The following VWC2 variants were observed in gnomAD, a reference collection of about 807,000 sequenced individuals.
VWC2 encodes von Willebrand factor C domain containing 2, also known as brorin.
A neutral mutation model predicts 29.8 loss-of-function variants in VWC2; 14 were observed. That is an observed-to-expected ratio of 0.47 (90% CI 0.31 to 0.74). VWC2 has a LOEUF of 0.74. VWC2 is among the 30% of genes least tolerant of loss of function. The probability of loss-of-function intolerance (pLI) is 0.05; values close to 1 mark genes in which losing one functional copy is unlikely to be tolerated. For missense variants in VWC2, 457 were observed against 459.8 expected (o/e 0.99, Z 0.05); for synonymous variants, 213 against 199.0 (o/e 1.07, Z -0.59).
chr7:49,877,481 A>AAAATATATAC, intron 3 of VWC2, among the ~76,000 whole-genome samples: 2 of 12,722 alleles, frequency 1.6e-4, no homozygotes, highest in Admixed American at 2.8e-3. Flanking sequence ...AAAAAAAAAA[A>AAAATATATAC]ATATATATAT....
At chr7:49,910,873 C>A (rs1465752068) in intron 3 of VWC2, among the ~76,000 whole-genome samples, 2 of 152,168 alleles carry the variant, frequency 1.3e-5, no homozygotes, top group Non-Finnish European at 2.9e-5. Flanking sequence ...AAAGCAAATT[C>A]TCAGGCCCCA....
intron 2 of VWC2, among the ~76,000 whole-genome samples, chr7:49,800,917 G>A (rs1464017870): frequency 6.6e-6 from 1 of 150,490 alleles, no homozygotes; most frequent in Non-Finnish European, 1.5e-5. Context: ...TCAAAAACAG[G>A]CCTTTATATT....
chr7:49,796,822 A>G (rs925471206), intron 2 of VWC2, among the ~76,000 whole-genome samples: 1 of 152,212 alleles, frequency 6.6e-6, no homozygotes, highest in African/African-American at 2.4e-5. Flanking sequence ...CATAAAATAT[A>G]TGTAGTGCAA....
At chr7:49,834,138 G>C (rs933529409) in intron 3 of VWC2, among the ~76,000 whole-genome samples, 3 of 152,122 alleles carry the variant, frequency 2.0e-5, no homozygotes, top group African/African-American at 7.2e-5. Context: ...GAGTAAAGGA[G>C]CCCTTCTATT....
chr7:49,799,898 T>C (rs1788696920), intron 2 of VWC2, among the ~76,000 whole-genome samples: 1 of 152,212 alleles, frequency 6.6e-6, no homozygotes, highest in Non-Finnish European at 1.5e-5. Flanking sequence ...TAAGCAGTTA[T>C]AACACATGGT....
At chr7:49,910,893 T>C (rs1007291364) in intron 3 of VWC2, among the ~76,000 whole-genome samples, 2 of 152,136 alleles carry the variant, frequency 1.3e-5, no homozygotes, top group Non-Finnish European at 2.9e-5. Flanking sequence ...AACCCAAACC[T>C]AGTGAATCAC....
chr7:49,893,803 A>G (rs990531506), intron 3 of VWC2, among the ~76,000 whole-genome samples: 8 of 152,264 alleles, frequency 5.3e-5, no homozygotes, highest in African/African-American at 1.7e-4. Flanking sequence ...ATAATTTACA[A>G]TAAGTTACAG....
Position 49,918,205 on chromosome 7 carries a change from G to A in VWC2, c.*6020G>A, listed in dbSNP as rs1458471924. 1 of 152,140 alleles carries A rather than the reference G, an allele frequency of 6.6e-6. No homozygotes were observed. Among genetic ancestry groups the A allele is most frequent in the Non-Finnish European group, 1.5e-5 (1 of 68,022 alleles). The allele number at this position is 152,140 out of a possible 1,614,324, so 9.4% of individuals were successfully genotyped here. A position where few individuals can be genotyped will look rare whatever the true frequency, so the allele number is the denominator to read the frequency against. ...GCAGAAAAGTAAATATAGGCTCAGGGAAATTTAAAAACTGCCTTAAGATTC... is the reference window on the plus strand; with the variant it reads ...GCAGAAAAGTAAATATAGGCTCAGGAAAATTTAAAAACTGCCTTAAGATTC... On this transcript the variant is annotated 3_prime_UTR_variant, in exon 4 of 4. Transcript: ENST00000340652.
chr7:49,776,503 C>T (rs1480879781), intron 2 of VWC2, among the ~76,000 whole-genome samples: 1 of 152,148 alleles, frequency 6.6e-6, no homozygotes, highest in Non-Finnish European at 1.5e-5. Flanking sequence ...GGGTAATTTA[C>T]GGTACCATTT....
chr7:49,883,687 T>C (rs544121548), intron 3 of VWC2, among the ~76,000 whole-genome samples: 2 of 152,296 alleles, frequency 1.3e-5, no homozygotes, highest in South Asian at 4.1e-4. Flanking sequence ...CACCTTCCGA[T>C]AGCTGCACTT....
At position 49,802,791 on chromosome 7, in the gene VWC2, T is replaced by C; in HGVS notation, c.777T>C (p.Cys259=). Residue 259 remains cysteine, a synonymous_variant, in exon 3 of 4, where the codon TGT becomes TGC. Coordinates refer to ENST00000340652, the MANE Select transcript of VWC2 (RefSeq NM_198570.5). The stretch of plus-strand genomic sequence containing the variant: ...TGTCAGCGTGTCCCCAGACGGAGTG[T>C]GTGGACCCTGTGTACGAGCCTGATC... ...CTVSACPQTE[C]VDPVYEPDQC... 6.2e-7 allele frequency: 1 copy of C among 1,614,186 alleles called. No homozygotes were observed. The highest frequency in any genetic ancestry group is 8.5e-7 in the Non-Finnish European group (1 of 1,180,034).
chr7:49,789,274 T>C (rs1352602769), intron 2 of VWC2, among the ~76,000 whole-genome samples: 1 of 146,756 alleles, frequency 6.8e-6, no homozygotes, highest in Non-Finnish European at 1.5e-5. Flanking sequence ...TGTGAGCGGG[T>C]GTGTGTGAGA....
chr7:49,877,481 A>AAAAAAAATATACATATATATATATATAT lies in VWC2; in HGVS notation c.827-34552_827-34551insAAAAAATATACATATATATATATATATA. Reference sequence around the variant, plus strand: ...CTGTCTCAAAAAAAAAAAAAAAAAAAATATATATATATATATATATATATA... The same window carrying AAAAAAAATATACATATATATATATATAT: ...CTGTCTCAAAAAAAAAAAAAAAAAAAAAAAAAATATACATATATATATATATATATATATATATATATATATATATATA... On this transcript the variant is annotated intron_variant, in intron 3 of 3. Transcript: ENST00000340652. Among the ~76,000 whole-genome samples the AAAAAAAATATACATATATATATATATAT allele has an allele frequency of 1.6e-4, 2 of 12,722 alleles. 1 individual carries two copies. The highest frequency in any genetic ancestry group is 5.6e-4 in the African/African-American group (2 of 3,594). The allele number at this position is 12,722 out of a possible 152,430, so 8.3% of individuals were successfully genotyped here.
intron 2 of VWC2, among the ~76,000 whole-genome samples, chr7:49,782,811 G>A (rs761952989): frequency 3.9e-5 from 6 of 152,074 alleles, no homozygotes; most frequent in Non-Finnish European, 8.8e-5. Context: ...TCATGATTGG[G>A]CCACTGCATT....
chr7:49,857,388 T>A (rs1790469791), intron 3 of VWC2, among the ~76,000 whole-genome samples: 1 of 152,234 alleles, frequency 6.6e-6, no homozygotes, highest in Non-Finnish European at 1.5e-5. Context: ...GCCTGAATAT[T>A]CCAATGTAGG....
At chr7:49,876,397 G>A (rs961823306) in intron 3 of VWC2, among the ~76,000 whole-genome samples, 11 of 152,178 alleles carry the variant, frequency 7.2e-5, no homozygotes, top group Middle Eastern at 3.4e-3. Flanking sequence ...ATGAGCCTTC[G>A]TTTCCACATC....
intron 3 of VWC2, among the ~76,000 whole-genome samples, chr7:49,806,752 G>A (rs182995093): frequency 3.0e-4 from 46 of 151,824 alleles, no homozygotes; most frequent in African/African-American, 6.0e-4. Flanking sequence ...GTGTGTGTGC[G>A]TGTGTGTGTG....
rs181153470 is a variant in VWC2, at chr7:49,874,109, G to A, written c.827-37925G>A. Among the ~76,000 whole-genome samples the A allele has an allele frequency of 4.6e-5, 7 of 152,174 alleles. No homozygotes were observed. In the East Asian group the frequency reaches 1.2e-3, roughly 25 times the overall value. On this transcript the variant is annotated intron_variant, in intron 3 of 3. Transcript: ENST00000340652. ...GTAAGGACGGGACTGGAGTTGGTGGGCAAAGGATGCCCTTGCTCTATGTGT... is the reference window on the plus strand; with the variant it reads ...GTAAGGACGGGACTGGAGTTGGTGGACAAAGGATGCCCTTGCTCTATGTGT...
intron 3 of VWC2, among the ~76,000 whole-genome samples, chr7:49,910,026 T>C (rs1257891134): frequency 6.6e-6 from 1 of 152,070 alleles, no homozygotes; most frequent in Non-Finnish European, 1.5e-5. Flanking sequence ...GGAGGGTCCC[T>C]TGAGCCCAGG....
Sources: gnomAD v4.1 joint callset for allele counts (sites outside exome capture counted in the v4.1 genomes callset) on GRCh38, gnomAD v4.1.1 for gene constraint, MANE v1.5 for transcripts, NCBI Gene and HGNC (gene_info 2026-07-23, HGNC 2026-07-21) for gene names.